Variants in RPSA2 observed in about 807,000 individuals in gnomAD.
RPSA2 encodes ribosomal protein SA 2.
chr19:23,761,324 TC>T, the RPSA2 span, among the ~76,000 whole-genome samples: 1 of 152,008 alleles, frequency 6.6e-6, no homozygotes, highest in Non-Finnish European at 1.5e-5. Flanking sequence ...AAGCAATCAT[TC>T]CACCATGGCT....
At chr19:23,861,338 C>A in the RPSA2 span, among the ~76,000 whole-genome samples, 9 of 152,280 alleles carry the variant, frequency 5.9e-5, no homozygotes, top group Non-Finnish European at 1.2e-4. Context: ...CAGGGTTCAG[C>A]ACTTTCAGTG....
At chr19:23,796,097 TGA>T in the RPSA2 span, among the ~76,000 whole-genome samples, 1 of 152,228 alleles carries the variant, frequency 6.6e-6, no homozygotes, top group South Asian at 2.1e-4. Context: ...GTATGTTGGC[TGA>T]GAGTTTGTCA....
the RPSA2 span, among the ~76,000 whole-genome samples, chr19:23,779,018 T>TTTTTG: frequency 6.8e-6 from 1 of 147,948 alleles, no homozygotes; most frequent in Non-Finnish European, 1.5e-5. Flanking sequence ...TTTTTTTTTT[T>TTTTTG]GAGACGGAGT....
the RPSA2 span, among the ~76,000 whole-genome samples, chr19:23,783,557 G>C: frequency 8.9e-6 from 1 of 112,592 alleles, no homozygotes; most frequent in South Asian, 2.9e-4. Context: ...AAAAAAAAAA[G>C]ATTGTGACAG....
chr19:23,838,488 G>A, the RPSA2 span, among the ~76,000 whole-genome samples: 1 of 152,010 alleles, frequency 6.6e-6, no homozygotes, highest in Non-Finnish European at 1.5e-5. Flanking sequence ...GTGTCAAAAG[G>A]TTTGGTACCA....
the RPSA2 span, among the ~76,000 whole-genome samples, chr19:23,839,639 C>A: frequency 6.6e-6 from 1 of 152,210 alleles, no homozygotes; most frequent in Non-Finnish European, 1.5e-5. Flanking sequence ...TTGCCCCATT[C>A]AAATTGTTAT....
the RPSA2 span, among the ~76,000 whole-genome samples, chr19:23,823,531 C>A: frequency 6.6e-6 from 1 of 152,122 alleles, no homozygotes; most frequent in Non-Finnish European, 1.5e-5. Flanking sequence ...CTCTTTCACA[C>A]ACAGTCACAC....
chr19:23,847,242 G>A, the RPSA2 span, among the ~76,000 whole-genome samples: 2 of 148,588 alleles, frequency 1.3e-5, no homozygotes, highest in Non-Finnish European at 3.0e-5. Context: ...CTATCTCCTT[G>A]GCACATTTCT....
chr19:23,807,920 T>C, the RPSA2 span: 2 of 350,970 alleles, frequency 5.7e-6, no homozygotes, highest in African/African-American at 2.2e-5. Context: ...AGGAATGTTA[T>C]GAAAACCTGG....
At chr19:23,835,070 A>T in the RPSA2 span, among the ~76,000 whole-genome samples, 1 of 152,260 alleles carries the variant, frequency 6.6e-6, no homozygotes, top group South Asian at 2.1e-4. Flanking sequence ...AAGCAATTCA[A>T]TTCTACAGTT....
At chr19:23,808,061 G>A in the RPSA2 span, 53 of 189,750 alleles carry the variant, frequency 2.8e-4, no homozygotes, top group Non-Finnish European at 5.3e-4. Context: ...CTGGGGATTT[G>A]TCTGTTTAGA....
chr19:23,770,801 C>T, the RPSA2 span, among the ~76,000 whole-genome samples: 5 of 152,148 alleles, frequency 3.3e-5, no homozygotes, highest in Non-Finnish European at 5.9e-5. Flanking sequence ...ATCAAGCACC[C>T]ATGTGTGGGT....
At chr19:23,768,048 AG>A in the RPSA2 span, among the ~76,000 whole-genome samples, 2 of 152,126 alleles carry the variant, frequency 1.3e-5, no homozygotes, top group African/African-American at 4.8e-5. Context: ...TACAAGCGTG[AG>A]CCACCACGCC....
At chr19:23,822,998 G>A in the RPSA2 span, among the ~76,000 whole-genome samples, 6 of 152,182 alleles carry the variant, frequency 3.9e-5, no homozygotes, top group African/African-American at 9.6e-5. Context: ...ATTTAACCAT[G>A]AGTCAATACA....
the RPSA2 span, among the ~76,000 whole-genome samples, chr19:23,862,676 C>T: frequency 2.0e-5 from 3 of 151,800 alleles, no homozygotes; most frequent in African/African-American, 7.3e-5. Context: ...TGCTGGGTTA[C>T]ATTTATTGCA....
At chr19:23,848,786 T>C in the RPSA2 span, among the ~76,000 whole-genome samples, 1 of 152,250 alleles carries the variant, frequency 6.6e-6, no homozygotes, top group African/African-American at 2.4e-5. Flanking sequence ...TTTTGATTGA[T>C]GCCTTGTTGA....
chr19:23,806,473 C>G, the RPSA2 span, among the ~76,000 whole-genome samples: 1 of 151,652 alleles, frequency 6.6e-6, no homozygotes, highest in African/African-American at 2.4e-5. Context: ...AACAGAATGG[C>G]ATTTATTACC....
the RPSA2 span, among the ~76,000 whole-genome samples, chr19:23,789,676 T>A: frequency 6.6e-6 from 1 of 151,926 alleles, no homozygotes; most frequent in Non-Finnish European, 1.5e-5. Context: ...ACAGACAGTG[T>A]CATCAAGGAA....
chr19:23,815,482 G>C, the RPSA2 span, among the ~76,000 whole-genome samples: 1 of 152,124 alleles, frequency 6.6e-6, no homozygotes, highest in African/African-American at 2.4e-5. Flanking sequence ...TGCTCTGTCT[G>C]TTATTATGTG....
Sources: gnomAD v4.1 joint callset for allele counts (sites outside exome capture counted in the v4.1 genomes callset) on GRCh38, gnomAD v4.1.1 for gene constraint, MANE v1.5 for transcripts, NCBI Gene and HGNC (gene_info 2026-07-23, HGNC 2026-07-21) for gene names.